SHC4: variants seen among roughly 807,000 people sequenced by gnomAD.
SHC4 encodes the protein SHC adaptor protein 4.
A neutral mutation model predicts 69.4 loss-of-function variants in SHC4; 41 were observed. The observed-to-expected ratio is 0.59, with a 90% CI of 0.46 to 0.77. The LOEUF is 0.77. Ranked by LOEUF, SHC4 falls within the 30% of genes least tolerant of loss-of-function variation. The pLI is 0.00. For synonymous variants in SHC4, 318 were observed against 299.3 expected, an observed-to-expected ratio of 1.06 and a Z score of -0.64; for missense variants, 777 against 783.8, an observed-to-expected ratio of 0.99 and a Z score of 0.10.
intron 4 of SHC4, among the ~76,000 whole-genome samples, chr15:48,874,237 CAA>C (rs1899750184): frequency 1.3e-5 from 2 of 152,224 alleles, no homozygotes; most frequent in South Asian, 2.1e-4. Context: ...CACAAGAATT[CAA>C]AGTCTAAAAA....
chr15:48,923,575 GA>G (rs1471002893), intron 2 of SHC4, among the ~76,000 whole-genome samples: 5 of 132,822 alleles, frequency 3.8e-5, no homozygotes, highest in Non-Finnish European at 6.4e-5. Flanking sequence ...AAAGAAAAAA[GA>G]AAAAGAAAAT....
chr15:48,884,661 G>A (rs1900002849), intron 3 of SHC4, among the ~76,000 whole-genome samples: 3 of 152,154 alleles, frequency 2.0e-5, no homozygotes, highest in Admixed American at 6.5e-5. Flanking sequence ...AAATTCCTGT[G>A]AGAGTTTAGA....
intron 4 of SHC4, chr15:48,879,659 A>T (rs2140999931): frequency 6.0e-6 from 1 of 167,232 alleles, no homozygotes; most frequent in East Asian, 1.9e-4. Flanking sequence ...AGACTTTATG[A>T]ACAGTTATTC....
chr15:48,960,379 C>G (rs1324899673), intron 1 of SHC4, among the ~76,000 whole-genome samples: 1 of 152,182 alleles, frequency 6.6e-6, no homozygotes, highest in African/African-American at 2.4e-5. Flanking sequence ...TGGAGACTCA[C>G]TCGTTTTCCC....
intron 4 of SHC4, chr15:48,879,666 A>C (rs1369271392): frequency 6.0e-6 from 1 of 167,116 alleles, no homozygotes; most frequent in African/African-American, 2.4e-5. Flanking sequence ...ATGAACAGTT[A>C]TTCTATCAAC....
rs988257037 is a variant in SHC4, at chr15:48,963,850, T to G, written c.-835A>C. Among the ~76,000 whole-genome samples, 36 of 152,206 alleles carry G rather than the reference T, an allele frequency of 2.4e-4. No individual in the cohort carries two copies. The highest frequency in any genetic ancestry group is 1.0e-4 in the Non-Finnish European group (7 of 68,032). ...ATGTGCAGGATGATACGCAGCGTGT[T>G]GAAATTTTTATGAATGAACTTTGCC... On this transcript the variant is annotated 5_prime_UTR_variant, in exon 1 of 12. Coordinates refer to ENST00000332408, the MANE Select transcript of SHC4 (RefSeq NM_203349.4).
chr15:48,884,233 C>T lies in SHC4; in HGVS notation c.840+15G>A, dbSNP rs1459848212. 5 of 1,583,558 alleles carry T rather than the reference C, an allele frequency of 3.2e-6. No individual in the cohort carries two copies. Among genetic ancestry groups the T allele is most frequent in the Non-Finnish European group, 1.7e-6 (2 of 1,170,558 alleles). ...AATAGATATGTTTATCTATAAATGA[C>T]ATTTGTGATCTTACCTGTTGGTTGT... On this transcript the variant is annotated intron_variant, in intron 4 of 11. Transcript: ENST00000332408.
chr15:48,878,055 G>C lies in SHC4; in HGVS notation c.841-5913C>G, dbSNP rs1214927988. ...GCGCGCCAAGTAGGAGGCGGTACCT[G>C]AGGACCACGCCTGCGCGCGGGGTTA... On this transcript the variant is annotated intron_variant, in intron 4 of 11. Transcript: ENST00000332408. 14 of 1,308,156 alleles carry C rather than the reference G, an allele frequency of 1.1e-5. No individual in the cohort carries two copies. The South Asian group carries it at 1.7e-4, about 15-fold the overall frequency. 81.0% of individuals were successfully genotyped at this position (1,308,156 alleles called of 1,614,324 possible).
At chr15:48,889,135 C>A (rs541521713) in intron 3 of SHC4, among the ~76,000 whole-genome samples, 1 of 152,232 alleles carries the variant, frequency 6.6e-6, no homozygotes, top group African/African-American at 2.4e-5. Flanking sequence ...AATCCCTGCT[C>A]CTTAAATGAG....
intron 6 of SHC4, among the ~76,000 whole-genome samples, chr15:48,861,535 C>T (rs961802958): frequency 6.6e-6 from 1 of 152,130 alleles, no homozygotes; most frequent in Non-Finnish European, 1.5e-5. Flanking sequence ...AGGATTAAAA[C>T]CAATTCCAAA....
intron 11 of SHC4, among the ~76,000 whole-genome samples, chr15:48,826,415 A>AC (rs992576662): frequency 6.6e-6 from 1 of 151,756 alleles, no homozygotes; most frequent in Non-Finnish European, 1.5e-5. Context: ...TGCCTGGCTA[A>AC]TTTTTTTTAT....
intron 1 of SHC4, among the ~76,000 whole-genome samples, chr15:48,940,152 T>TA (rs1228984721): frequency 1.3e-5 from 2 of 152,260 alleles, no homozygotes; most frequent in Non-Finnish European, 2.9e-5. Context: ...GTTACTGCTG[T>TA]AGCCAAGGCA....
intron 2 of SHC4, among the ~76,000 whole-genome samples, chr15:48,907,919 G>A (rs886520693): frequency 1.9e-4 from 28 of 151,310 alleles, no homozygotes; most frequent in Non-Finnish European, 3.2e-4. Flanking sequence ...CATTTGGGTT[G>A]GTTCCATGAT....
intron 1 of SHC4, among the ~76,000 whole-genome samples, chr15:48,935,491 G>A (rs1049671981): frequency 1.3e-5 from 2 of 152,178 alleles, no homozygotes; most frequent in Non-Finnish European, 2.9e-5. Context: ...AAGAAATGAT[G>A]TTCAGGAAGT....
At chr15:48,931,567 C>T (rs1347824059) in intron 1 of SHC4, among the ~76,000 whole-genome samples, 1 of 152,084 alleles carries the variant, frequency 6.6e-6, no homozygotes, top group Non-Finnish European at 1.5e-5. Flanking sequence ...TTCAATCTCC[C>T]TATCATCGTC....
At chr15:48,884,200 T>C in intron 4 of SHC4, 48 bp downstream of exon 4, 1 of 1,544,100 alleles carries the variant, frequency 6.5e-7, no homozygotes. Flanking sequence ...CCCACGCTTC[T>C]CTGAAAAAAT....
At chr15:48,875,923 C>A (rs2140996519) in intron 4 of SHC4, among the ~76,000 whole-genome samples, 1 of 152,276 alleles carries the variant, frequency 6.6e-6, no homozygotes, top group East Asian at 1.9e-4. Flanking sequence ...ATTATACATG[C>A]CCTTAACTCA....
intron 2 of SHC4, among the ~76,000 whole-genome samples, chr15:48,913,673 T>G (rs1281699433): frequency 1.4e-4 from 21 of 152,184 alleles, no homozygotes; most frequent in Non-Finnish European, 1.5e-5. Flanking sequence ...TCCTTCTCCC[T>G]GTGGAGTTTT....
At chr15:48,956,513 G>A (rs958061993) in intron 1 of SHC4, among the ~76,000 whole-genome samples, 3 of 152,084 alleles carry the variant, frequency 2.0e-5, no homozygotes, top group African/African-American at 7.2e-5. Flanking sequence ...AGACCTAGCT[G>A]GCCAGACACA....
Sources: gnomAD v4.1 joint callset for allele counts (sites outside exome capture counted in the v4.1 genomes callset) on GRCh38, gnomAD v4.1.1 for gene constraint, MANE v1.5 for transcripts, NCBI Gene and HGNC (gene_info 2026-07-23, HGNC 2026-07-21) for gene names.